The following PAK5 variants were observed in gnomAD, a reference collection of about 807,000 sequenced individuals.
PAK5 encodes serine/threonine-protein kinase PAK 5.
In PAK5, 16 loss-of-function variants were observed where a neutral mutation model predicts 65.9. The ratio of observed to expected loss-of-function variants is 0.24; its 90% CI spans 0.16 to 0.37. The LOEUF is 0.37. PAK5 is among the 10% of genes least tolerant of loss of function. The pLI is 1.00. For synonymous variants in PAK5, 371 were observed against 354.9 expected (o/e 1.05, Z -0.51); for missense variants, 785 against 903.9 (o/e 0.87, Z 1.69).
intron 2 of PAK5, among the ~76,000 whole-genome samples, chr20:9,701,876 T>A (rs958547725): frequency 6.6e-6 from 1 of 152,016 alleles, no homozygotes; most frequent in African/African-American, 2.4e-5. Flanking sequence ...GGCCTGCACC[T>A]GTAGTCCCAG....
At chr20:9,650,634 T>C (rs2047191219) in intron 2 of PAK5, among the ~76,000 whole-genome samples, 1 of 152,202 alleles carries the variant, frequency 6.6e-6, no homozygotes. Flanking sequence ...TTTTAGTTTG[T>C]GGGTATTCCT....
rs2045189665 is a variant in PAK5, at chr20:9,537,471, CT to C, written c.*1990del. On this transcript the variant is annotated 3_prime_UTR_variant, in exon 10 of 10. Transcript: ENST00000353224. ...CACAAAACCTTTTAAGCTACAGTAA[CT>C]TTTGGTAAACTCAATGAATACTTTA... is the stretch of plus-strand genomic sequence containing the variant. 1.4e-5 allele frequency: 3 copies of C among 210,930 alleles called. No homozygotes were observed. Among genetic ancestry groups the C allele is most frequent in the East Asian group, 1.4e-4 (2 of 13,956 alleles). The allele number at this position is 210,930 out of a possible 1,614,324, so 13.1% of individuals were successfully genotyped here.
chr20:9,760,257 A>G (rs1369257749), intron 1 of PAK5, among the ~76,000 whole-genome samples: 1 of 152,192 alleles, frequency 6.6e-6, no homozygotes, highest in Admixed American at 6.5e-5. Context: ...GACTTTTAGG[A>G]CAATGACAAA....
intron 3 of PAK5, among the ~76,000 whole-genome samples, chr20:9,596,598 T>C (rs1406087388): frequency 2.3e-5 from 3 of 127,810 alleles, no homozygotes; most frequent in African/African-American, 6.2e-5. Context: ...ATAGCACTAC[T>C]GCACTCCAGC....
intron 1 of PAK5, among the ~76,000 whole-genome samples, chr20:9,743,642 A>AT (rs2048475274): frequency 1.3e-5 from 2 of 152,166 alleles, no homozygotes; most frequent in Admixed American, 6.5e-5. Context: ...ATTTGCTCAT[A>AT]TTTTTTGCTA....
chr20:9,740,923 T>C (rs989383998), intron 1 of PAK5, among the ~76,000 whole-genome samples: 1 of 152,204 alleles, frequency 6.6e-6, no homozygotes, highest in Non-Finnish European at 1.5e-5. Context: ...AGGGTTTAAC[T>C]AGATGGTCTC....
rs185538318 is a variant in PAK5 at position 9,786,889 on chromosome 20, G to A, written c.-162+51873C>T. On this transcript the variant is annotated intron_variant, in intron 1 of 9. Coordinates refer to ENST00000353224, the MANE Select transcript of PAK5 (RefSeq NM_177990.4). ...CATGCCATCAGTAATATAGCTAAAGGCAAGTCCTATTAATCCCAGATGAAT... is the reference window on the plus strand; with the variant it reads ...CATGCCATCAGTAATATAGCTAAAGACAAGTCCTATTAATCCCAGATGAAT... Among the ~76,000 whole-genome samples the A allele has an allele frequency of 3.9e-5, 6 of 152,170 alleles. No homozygotes were observed. In the East Asian group the frequency reaches 5.8e-4, roughly 15 times the overall value.
chr20:9,772,516 C>T (rs768638729), intron 1 of PAK5, among the ~76,000 whole-genome samples: 8 of 152,176 alleles, frequency 5.3e-5, no homozygotes, highest in South Asian at 4.1e-4. Context: ...CGGCTCTAAA[C>T]GCCCCAGTCT....
At chr20:9,609,605 A>G (rs1227177262) in intron 3 of PAK5, among the ~76,000 whole-genome samples, 3 of 152,174 alleles carry the variant, frequency 2.0e-5, no homozygotes, top group Admixed American at 1.3e-4. Context: ...ACCCTCAGCC[A>G]CCAGTGGTCA....
chr20:9,818,178 T>C (rs766453331), intron 1 of PAK5, among the ~76,000 whole-genome samples: 1 of 152,238 alleles, frequency 6.6e-6, no homozygotes, highest in Non-Finnish European at 1.5e-5. Flanking sequence ...TCACTCTCCA[T>C]ATCTGATCAG....
chr20:9,546,781 G>T (rs1199768508), intron 7 of PAK5, among the ~76,000 whole-genome samples: 1 of 152,204 alleles, frequency 6.6e-6, no homozygotes, highest in Non-Finnish European at 1.5e-5. Context: ...TCTAGTTTCA[G>T]GTTGAGTCAG....
At chr20:9,802,910 G>GTGTGTGTATATATA (rs142279832) in intron 1 of PAK5, among the ~76,000 whole-genome samples, 4 of 46,360 alleles carry the variant, frequency 8.6e-5, no homozygotes, top group Admixed American at 3.3e-4. Flanking sequence ...ATATGTATGT[G>GTGTGTGTATATATA]TATATATATA....
chr20:9,804,625 A>G (rs187327017), intron 1 of PAK5, among the ~76,000 whole-genome samples: 1 of 152,366 alleles, frequency 6.6e-6, no homozygotes, highest in Admixed American at 6.5e-5. Flanking sequence ...AGAAGAAAAC[A>G]TAAGGGTAAA....
At chr20:9,729,635 A>T (rs1288558143) in intron 1 of PAK5, among the ~76,000 whole-genome samples, 2 of 152,146 alleles carry the variant, frequency 1.3e-5, no homozygotes, top group African/African-American at 4.8e-5. Context: ...CCCTGCTTCT[A>T]CTGATTCTTG....
intron 3 of PAK5, among the ~76,000 whole-genome samples, chr20:9,598,410 TA>T (rs2046308154): frequency 6.6e-6 from 1 of 152,214 alleles, no homozygotes; most frequent in Non-Finnish European, 1.5e-5. Context: ...GATAGTGCTG[TA>T]AGAAACATAT....
chr20:9,650,851 T>G (rs2208756), intron 2 of PAK5, among the ~76,000 whole-genome samples: 1 of 152,140 alleles, frequency 6.6e-6, no homozygotes, highest in African/African-American at 2.4e-5. Context: ...GCCAAAGTCT[T>G]CATTAGCCAT....
chr20:9,796,696 C>G (rs1333127183), intron 1 of PAK5, among the ~76,000 whole-genome samples: 3 of 152,010 alleles, frequency 2.0e-5, no homozygotes, highest in Non-Finnish European at 4.4e-5. Context: ...AGGCAAGTGA[C>G]AGTGGTGGGG....
chr20:9,799,692 G>A (rs556372221), intron 1 of PAK5, among the ~76,000 whole-genome samples: 5 of 151,996 alleles, frequency 3.3e-5, no homozygotes, highest in African/African-American at 9.6e-5. Flanking sequence ...GGGAATATTT[G>A]GCCTAGAATA....
intron 1 of PAK5, among the ~76,000 whole-genome samples, chr20:9,829,251 A>T (rs1978519878): frequency 6.6e-6 from 1 of 152,228 alleles, no homozygotes. Context: ...CACGAACAGA[A>T]ATGCTGAATC....
Sources: allele counts gnomAD v4.1 joint callset (sites outside exome capture counted in the v4.1 genomes callset), GRCh38; gene constraint gnomAD v4.1.1; transcripts MANE v1.5; gene names NCBI Gene and HGNC (gene_info 2026-07-23, HGNC 2026-07-21).